XCR1: variants seen among roughly 807,000 people sequenced by gnomAD.
XCR1 encodes the protein X-C motif chemokine receptor 1.
For missense variants in XCR1, 356 were observed against 424.2 expected (o/e 0.84, Z 1.41); for synonymous variants, 187 against 188.5 (o/e 0.99, Z 0.06).
chr3:46,056,497 A>G (rs1697853176), intron 4 of XCR1, among the ~76,000 whole-genome samples: 1 of 151,990 alleles, frequency 6.6e-6, no homozygotes, highest in South Asian at 2.1e-4. Context: ...TTTTTGAGAC[A>G]GGGTCTCACA....
At chr3:46,070,652 T>C (rs1698148750) in intron 3 of XCR1, among the ~76,000 whole-genome samples, 1 of 152,126 alleles carries the variant, frequency 6.6e-6, no homozygotes, top group African/African-American at 2.4e-5. Context: ...TTTCAGTATA[T>C]ATGTGTCTAC....
At position 46,023,722 on chromosome 3, in the gene XCR1, T is replaced by C. The variant is rs1708219566; in HGVS notation, c.-31-1744A>G. On this transcript the variant is annotated intron_variant, in intron 1 of 1. Coordinates refer to ENST00000309285, the MANE Select transcript of XCR1 (RefSeq NM_001024644.2). Reference sequence around the variant, plus strand: ...TGACAGGGATCCAGACACACTACTATATTTACTTCAGCAAAAGAGTGAGAC... The same window carrying C: ...TGACAGGGATCCAGACACACTACTACATTTACTTCAGCAAAAGAGTGAGAC... 8.5e-6 allele frequency: 13 copies of C among 1,536,122 alleles called. 1 individual carries two copies. The highest frequency in any genetic ancestry group is 5.5e-5 in the African/African-American group (4 of 73,146).
At chr3:46,069,902 C>A (rs1215715616) in intron 3 of XCR1, among the ~76,000 whole-genome samples, 1 of 141,940 alleles carries the variant, frequency 7.0e-6, no homozygotes, top group Non-Finnish European at 1.5e-5. Context: ...TGTTAATTTG[C>A]GATCTATTTT....
chr3:46,057,882 G>GTCTGTCTATCTATCTA (rs1553634097), intron 4 of XCR1, among the ~76,000 whole-genome samples: 3 of 134,800 alleles, frequency 2.2e-5, no homozygotes, highest in Admixed American at 7.3e-5. Context: ...TTATCTGTCT[G>GTCTGTCTATCTATCTA]TCTATCTATC....
intron 5 of XCR1, among the ~76,000 whole-genome samples, chr3:46,035,362 T>A (rs1307988699): frequency 6.6e-6 from 1 of 152,242 alleles, no homozygotes; most frequent in Non-Finnish European, 1.5e-5. Flanking sequence ...ATCTCCTCAG[T>A]TGCAGCACCT....
At chr3:46,057,653 T>C (rs1482299690) in intron 4 of XCR1, among the ~76,000 whole-genome samples, 2 of 152,148 alleles carry the variant, frequency 1.3e-5, no homozygotes, top group African/African-American at 4.8e-5. Context: ...CCTAATACTC[T>C]AGGAGGCCCG....
intron 4 of XCR1, among the ~76,000 whole-genome samples, chr3:46,063,587 T>A (rs1184116334): frequency 1.3e-5 from 2 of 152,080 alleles, no homozygotes; most frequent in African/African-American, 2.4e-5. Context: ...GTGGAAAAGG[T>A]GGAAGGTGGA....
chr3:46,024,186 G>A, intron 1 of XCR1: 2 of 466,350 alleles, frequency 4.3e-6, no homozygotes, highest in East Asian at 7.1e-5. Context: ...GGGGAGAAGA[G>A]GAAATAATAC....
intron 1 of XCR1, among the ~76,000 whole-genome samples, chr3:46,082,060 G>T (rs6802380): frequency 6.6e-6 from 1 of 152,084 alleles, no homozygotes; most frequent in African/African-American, 2.4e-5. Context: ...TAAACTTAAA[G>T]GCATTGATGC....
intron 1 of XCR1, among the ~76,000 whole-genome samples, chr3:46,081,659 C>T (rs1698366390): frequency 6.6e-6 from 1 of 151,890 alleles, no homozygotes; most frequent in South Asian, 2.1e-4. Flanking sequence ...GAATTTCCCA[C>T]TAGAGTGATT....
chr3:46,043,385 G>A (rs1697569114), intron 5 of XCR1, among the ~76,000 whole-genome samples: 1 of 149,918 alleles, frequency 6.7e-6, no homozygotes, highest in African/African-American at 2.5e-5. Context: ...AGGTTGCAGT[G>A]AGCCGAGATC....
At chr3:46,064,887 T>C (rs1428525258) in intron 4 of XCR1, among the ~76,000 whole-genome samples, 4 of 151,052 alleles carry the variant, frequency 2.6e-5, no homozygotes, top group African/African-American at 9.8e-5. Context: ...AGGTTGGGAG[T>C]TCAAGAACAG....
chr3:46,076,697 G>A (rs1429917138), intron 2 of XCR1, among the ~76,000 whole-genome samples: 2 of 152,066 alleles, frequency 1.3e-5, no homozygotes, highest in South Asian at 2.1e-4. Context: ...CTATGCTGGG[G>A]CATAGAAAAC....
At chr3:46,043,708 C>T (rs1178725550) in intron 5 of XCR1, among the ~76,000 whole-genome samples, 2 of 136,326 alleles carry the variant, frequency 1.5e-5, no homozygotes, top group East Asian at 2.3e-4. Context: ...CATAGTGAGA[C>T]CTCATCTCTA....
intron 1 of XCR1, chr3:46,022,334 C>T (rs1483537904): frequency 1.2e-5 from 2 of 168,992 alleles, no homozygotes; most frequent in East Asian, 1.7e-4. Flanking sequence ...AAAAAAGATG[C>T]CAGACTCTTA....
At chr3:46,078,713 T>A (rs1698304351) in intron 1 of XCR1, among the ~76,000 whole-genome samples, 1 of 152,184 alleles carries the variant, frequency 6.6e-6, no homozygotes, top group African/African-American at 2.4e-5. Flanking sequence ...TCCTATTAGT[T>A]CTAAACTGAA....
At chr3:46,065,052 T>C (rs2125901736) in intron 4 of XCR1, among the ~76,000 whole-genome samples, 2 of 151,662 alleles carry the variant, frequency 1.3e-5, no homozygotes, top group East Asian at 3.9e-4. Context: ...GATCCCGCCA[T>C]TGCACTCCAG....
At chr3:46,054,158 G>T (rs1395284612) in intron 4 of XCR1, among the ~76,000 whole-genome samples, 1 of 152,186 alleles carries the variant, frequency 6.6e-6, no homozygotes, top group Non-Finnish European at 1.5e-5. Context: ...CTTGCCTCTA[G>T]TGGACAAGGG....
intron 4 of XCR1, among the ~76,000 whole-genome samples, chr3:46,063,946 TA>T (rs1204773843): frequency 2.0e-5 from 3 of 152,188 alleles, no homozygotes; most frequent in Non-Finnish European, 4.4e-5. Flanking sequence ...TATGGCTCAC[TA>T]CAGCCTTGAC....
Sources: gnomAD v4.1 joint callset for allele counts (sites outside exome capture counted in the v4.1 genomes callset) on GRCh38, gnomAD v4.1.1 for gene constraint, MANE v1.5 for transcripts, NCBI Gene and HGNC (gene_info 2026-07-23, HGNC 2026-07-21) for gene names.